The following CELF4 variants were observed in gnomAD, a reference collection of about 807,000 sequenced individuals.
CELF4 encodes CUGBP Elav-like family member 4, also known as CUG-BP- and ETR-3-like factor 4.
Under a neutral mutation model 59.9 loss-of-function variants are expected in CELF4, and 18 were observed. The observed-to-expected ratio is 0.30, with a 90% CI of 0.21 to 0.45. CELF4 has a LOEUF of 0.45. Ranked by LOEUF, CELF4 falls within the 20% of genes least tolerant of loss-of-function variation. The pLI is 1.00. For missense variants in CELF4, 456 were observed against 689.0 expected (o/e 0.66, Z 3.79); for synonymous variants, 261 against 267.1 (o/e 0.98, Z 0.22).
intron 2 of CELF4, among the ~76,000 whole-genome samples, chr18:37,451,098 G>A (rs1463556491): frequency 6.6e-6 from 1 of 152,210 alleles, no homozygotes; most frequent in Non-Finnish European, 1.5e-5. Flanking sequence ...GCAGAGACCA[G>A]GCTCTGCAAT....
At chr18:37,385,677 C>T (rs2099091832) in intron 2 of CELF4, among the ~76,000 whole-genome samples, 1 of 152,192 alleles carries the variant, frequency 6.6e-6, no homozygotes, top group Admixed American at 6.5e-5. Flanking sequence ...CCTCCCTGAC[C>T]TCCTGTCCAG....
At chr18:37,510,170 A>G (rs1018162097) in intron 1 of CELF4, among the ~76,000 whole-genome samples, 1 of 152,234 alleles carries the variant, frequency 6.6e-6, no homozygotes, top group South Asian at 2.1e-4. Context: ...AAAGAAGAGT[A>G]AAGAAAAGAA....
At chr18:37,452,701 G>C (rs1424406723) in intron 2 of CELF4, among the ~76,000 whole-genome samples, 1 of 152,096 alleles carries the variant, frequency 6.6e-6, no homozygotes, top group Non-Finnish European at 1.5e-5. Flanking sequence ...TGGTTAGTAG[G>C]CTTTCCATAC....
chr18:37,520,684 C>T (rs2099956324), intron 1 of CELF4, among the ~76,000 whole-genome samples: 1 of 152,092 alleles, frequency 6.6e-6, no homozygotes, highest in South Asian at 2.1e-4. Flanking sequence ...GCCCCTGAGG[C>T]CTATGAAGGC....
chr18:37,373,651 G>A (rs569685252), intron 2 of CELF4, among the ~76,000 whole-genome samples: 22 of 152,344 alleles, frequency 1.4e-4, no homozygotes, highest in African/African-American at 4.1e-4. Flanking sequence ...TGCCCAGAGC[G>A]AGCCAGGTCT....
In CELF4 at chr18:37,472,114, A is replaced by C. The variant is rs1021008683; in HGVS notation, c.369+13411T>G. Among the ~76,000 whole-genome samples the C allele has an allele frequency of 7.0e-4, 106 of 152,356 alleles. 1 individual carries two copies. Among genetic ancestry groups the C allele is most frequent in the African/African-American group, 2.2e-3 (91 of 41,584 alleles). ...GGGAGTGGAGAAGGAGGTATGATGTAGGCCTCATGTGGGGGATTGTGCAAA... is the reference window on the plus strand; with the variant it reads ...GGGAGTGGAGAAGGAGGTATGATGTCGGCCTCATGTGGGGGATTGTGCAAA... On this transcript the variant is annotated intron_variant, in intron 2 of 12. Coordinates refer to ENST00000420428, the MANE Select transcript of CELF4 (RefSeq NM_020180.4).
rs188828463 is a variant in CELF4, at chr18:37,303,079, G to C, written c.448+18724C>G. ...ATGAAGCAAAGATGGTGGAAGAGAG[G>C]AGAAGGAACAGGCATGAAAGTACCA... On this transcript the variant is annotated intron_variant, in intron 3 of 12. Coordinates refer to ENST00000420428, the MANE Select transcript of CELF4 (RefSeq NM_020180.4). Among the ~76,000 whole-genome samples, 9 of 152,308 alleles carry C rather than the reference G, an allele frequency of 5.9e-5. No homozygotes were observed. In the East Asian group the frequency reaches 1.7e-3, roughly 29 times the overall value.
chr18:37,313,814 C>T (rs7239620), intron 3 of CELF4, among the ~76,000 whole-genome samples: 51 of 152,218 alleles, frequency 3.4e-4, no homozygotes, highest in Non-Finnish European at 6.6e-4. Flanking sequence ...CAATCGGCCA[C>T]GGGTTTATGG....
chr18:37,477,254 C>T (rs929565137), intron 2 of CELF4, among the ~76,000 whole-genome samples: 2 of 152,188 alleles, frequency 1.3e-5, no homozygotes, highest in Non-Finnish European at 2.9e-5. Flanking sequence ...AAGGGCAGTG[C>T]TGGGTGCTTG....
At chr18:37,489,105 G>A (rs577342989) in intron 1 of CELF4, among the ~76,000 whole-genome samples, 7 of 152,334 alleles carry the variant, frequency 4.6e-5, no homozygotes, top group African/African-American at 1.4e-4. Context: ...TGTGAGGCGG[G>A]AGCGGCTGGA....
At chr18:37,371,817 C>T (rs1038629497) in intron 2 of CELF4, among the ~76,000 whole-genome samples, 1 of 152,278 alleles carries the variant, frequency 6.6e-6, no homozygotes, top group Non-Finnish European at 1.5e-5. Context: ...GTGACTGAGG[C>T]TTATGCCTGA....
chr18:37,460,349 A>G (rs533027969), intron 2 of CELF4, among the ~76,000 whole-genome samples: 1 of 152,290 alleles, frequency 6.6e-6, no homozygotes, highest in East Asian at 1.9e-4. Context: ...ATGCTGAGCG[A>G]GGGGTTCCTG....
intron 1 of CELF4, among the ~76,000 whole-genome samples, chr18:37,535,437 T>C (rs1377366042): frequency 2.0e-5 from 3 of 152,172 alleles, no homozygotes; most frequent in Admixed American, 2.0e-4. Context: ...AGTTGCAGAC[T>C]TTCCGAGCAG....
intron 2 of CELF4, among the ~76,000 whole-genome samples, chr18:37,447,138 T>C (rs1440891715): frequency 6.6e-6 from 1 of 152,160 alleles, no homozygotes; most frequent in Non-Finnish European, 1.5e-5. Flanking sequence ...GTCTCATTAT[T>C]GTGAGGCCAA....
At chr18:37,536,475 G>A (rs893289079) in intron 1 of CELF4, among the ~76,000 whole-genome samples, 2 of 152,160 alleles carry the variant, frequency 1.3e-5, no homozygotes, top group Admixed American at 6.5e-5. Flanking sequence ...CTCAGCCCTC[G>A]GCAAGGGGTC....
At chr18:37,457,842 C>T (rs1178972134) in intron 2 of CELF4, among the ~76,000 whole-genome samples, 1 of 152,206 alleles carries the variant, frequency 6.6e-6, no homozygotes, top group African/African-American at 2.4e-5. Context: ...TCCCTGCCCA[C>T]TCCTCCTCCA....
chr18:37,480,027 C>T (rs1243655913), intron 2 of CELF4, among the ~76,000 whole-genome samples: 1 of 152,244 alleles, frequency 6.6e-6, no homozygotes, highest in Non-Finnish European at 1.5e-5. Context: ...TCCCTCACAG[C>T]CCTCAGAAAG....
In CELF4 at chr18:37,266,726, G is replaced by A. The variant is rs1601256927; in HGVS notation, c.1100-128C>T. 7.2e-6 allele frequency: 6 copies of A among 830,380 alleles called. No individual in the cohort carries two copies. The African/African-American group carries it at 8.6e-5, about 12-fold the overall frequency. The allele number at this position is 830,380 out of a possible 1,614,324, so 51.4% of individuals were successfully genotyped here. On this transcript the variant is annotated intron_variant, in intron 8 of 12. Coordinates refer to ENST00000420428, the MANE Select transcript of CELF4 (RefSeq NM_020180.4). The stretch of plus-strand genomic sequence containing the variant: ...ACTGCAGGCTGTGCCCTGGGGCAGG[G>A]CATCCGAGACAGAAACCCTGAGTGC...
At chr18:37,291,380 T>C (rs1044478513) in intron 3 of CELF4, among the ~76,000 whole-genome samples, 4 of 152,220 alleles carry the variant, frequency 2.6e-5, no homozygotes, top group Admixed American at 2.6e-4. Context: ...AGGGTTCATG[T>C]CAGAAAGCTC....
Sources: allele counts gnomAD v4.1 joint callset (sites outside exome capture counted in the v4.1 genomes callset), GRCh38; gene constraint gnomAD v4.1.1; transcripts MANE v1.5; gene names NCBI Gene and HGNC (gene_info 2026-07-23, HGNC 2026-07-21).